Variants in COL26A1 observed in about 807,000 individuals in gnomAD.
COL26A1 encodes the protein collagen alpha-1(XXVI) chain.
COL26A1 carries 41 observed loss-of-function variants against 59.3 expected under a neutral mutation model. That is an observed-to-expected ratio of 0.69 (90% CI 0.54 to 0.90). COL26A1 has a LOEUF of 0.90. COL26A1 is among the 40% of genes least tolerant of loss of function. The pLI, the probability that COL26A1 is intolerant of heterozygous loss-of-function variation, is 0.00. For synonymous variants in COL26A1, 266 were observed against 256.0 expected (o/e 1.04, Z -0.37); for missense variants, 612 against 602.3 (o/e 1.02, Z -0.17).
At chr7:101,394,864 C>CT (rs1689083331) in intron 1 of COL26A1, among the ~76,000 whole-genome samples, 8 of 124,000 alleles carry the variant, frequency 6.5e-5, no homozygotes, top group African/African-American at 2.4e-4. Flanking sequence ...GTTTCTTTTT[C>CT]TTTTCTTTTT....
At chr7:101,483,530 C>T (rs1794199755) in intron 3 of COL26A1, among the ~76,000 whole-genome samples, 1 of 151,556 alleles carries the variant, frequency 6.6e-6, no homozygotes. Context: ...TTTAAAGAGA[C>T]AGGGTCTTGC....
intron 2 of COL26A1, among the ~76,000 whole-genome samples, chr7:101,430,984 T>C (rs746162402): frequency 2.0e-5 from 3 of 151,846 alleles, no homozygotes; most frequent in Non-Finnish European, 4.4e-5. Flanking sequence ...TTATTTTTAA[T>C]AGAGATGGGG....
chr7:101,400,430 C>T (rs1165204888), intron 1 of COL26A1, among the ~76,000 whole-genome samples: 3 of 141,806 alleles, frequency 2.1e-5, no homozygotes, highest in East Asian at 2.1e-4. Flanking sequence ...GGCACGATCT[C>T]GGCTCACTGC....
At chr7:101,362,791 T>C, upstream of COL26A1, 1 of 515,250 alleles carries the variant, frequency 1.9e-6, no homozygotes. Flanking sequence ...CCGCCGAGGG[T>C]TAACAAAAAA....
intron 1 of COL26A1, among the ~76,000 whole-genome samples, chr7:101,373,026 C>T (rs550828368): frequency 6.6e-6 from 1 of 152,260 alleles, no homozygotes. Flanking sequence ...AGGCACTGAG[C>T]TTTTGGAGTC....
intron 3 of COL26A1, among the ~76,000 whole-genome samples, chr7:101,514,375 T>TA (rs1794986317): frequency 6.6e-6 from 1 of 151,860 alleles, no homozygotes; most frequent in South Asian, 2.1e-4. Context: ...ATAAAAAAAA[T>TA]AAACCACAAC....
chr7:101,377,720 A>T (rs905283633), intron 1 of COL26A1, among the ~76,000 whole-genome samples: 128 of 152,044 alleles, frequency 8.4e-4, no homozygotes, highest in African/African-American at 2.9e-3. Context: ...AGCTACTATG[A>T]CCAGCAGTGA....
chr7:101,389,440 C>T (rs911523871), intron 1 of COL26A1, among the ~76,000 whole-genome samples: 1 of 146,514 alleles, frequency 6.8e-6, no homozygotes, highest in Admixed American at 7.0e-5. Context: ...AGTGCAGCGG[C>T]TCAGTCTTGG....
At chr7:101,528,615 A>G (rs1795299202) in intron 3 of COL26A1, among the ~76,000 whole-genome samples, 1 of 151,550 alleles carries the variant, frequency 6.6e-6, no homozygotes, top group South Asian at 2.1e-4. Flanking sequence ...TGGCGCCAAC[A>G]TGGCTCACTG....
At chr7:101,493,720 GAC>G (rs1226824796) in intron 3 of COL26A1, among the ~76,000 whole-genome samples, 1 of 136,400 alleles carries the variant, frequency 7.3e-6, no homozygotes, top group Non-Finnish European at 1.5e-5. Flanking sequence ...AGGAGATTGA[GAC>G]CATCCTGGCT....
intron 3 of COL26A1, among the ~76,000 whole-genome samples, chr7:101,472,824 A>T (rs1793937298): frequency 1.3e-5 from 2 of 151,788 alleles, no homozygotes; most frequent in African/African-American, 4.8e-5. Context: ...GGACCTCCGG[A>T]TCTGCAGAGG....
chr7:101,478,537 G>A (rs989417938), intron 3 of COL26A1, among the ~76,000 whole-genome samples: 5 of 152,074 alleles, frequency 3.3e-5, no homozygotes, highest in East Asian at 1.9e-4. Context: ...CAAATTAACC[G>A]AAAGTACACA....
At chr7:101,446,683 C>T (rs1389820263) in intron 2 of COL26A1, among the ~76,000 whole-genome samples, 1 of 151,986 alleles carries the variant, frequency 6.6e-6, no homozygotes, top group Non-Finnish European at 1.5e-5. Context: ...CCTGTCTCTA[C>T]CAAAAATACA....
chr7:101,533,719 C>A (rs930894402), intron 4 of COL26A1, among the ~76,000 whole-genome samples: 4 of 152,156 alleles, frequency 2.6e-5, no homozygotes, highest in Non-Finnish European at 4.4e-5. Context: ...GGGCAGGTGA[C>A]CTGTGGGAGC....
At chr7:101,374,863 C>T (rs536937200) in intron 1 of COL26A1, among the ~76,000 whole-genome samples, 8 of 152,154 alleles carry the variant, frequency 5.3e-5, no homozygotes, top group East Asian at 3.9e-4. Context: ...AGTTTGAGAC[C>T]GGCCTGGCCA....
At chr7:101,381,212 G>A (rs1791439675) in intron 1 of COL26A1, among the ~76,000 whole-genome samples, 1 of 152,144 alleles carries the variant, frequency 6.6e-6, no homozygotes, top group Admixed American at 6.5e-5. Context: ...CTATTTCCAT[G>A]CCTTTTCCAG....
chr7:101,372,102 C>A (rs1791208956), intron 1 of COL26A1, among the ~76,000 whole-genome samples: 2 of 152,120 alleles, frequency 1.3e-5, no homozygotes. Context: ...CATTCATATG[C>A]CTTGCAAAGG....
At chr7:101,551,517 G>C (rs537146232) in intron 10 of COL26A1, among the ~76,000 whole-genome samples, 1 of 151,968 alleles carries the variant, frequency 6.6e-6, no homozygotes, top group South Asian at 2.1e-4. Context: ...TCCTTTAATC[G>C]ACTTTCTTGG....
rs1795751462 is a variant in COL26A1, at chr7:101,547,094, C to T, written c.857-62C>T. On this transcript the variant is annotated intron_variant, in intron 7 of 12. Coordinates refer to ENST00000313669, the MANE Select transcript of COL26A1 (RefSeq NM_001278563.3). ...TGGCTCAGGGCTCAGTGCCCCGGAC[C>T]AGCCTCCCAGCACTGCCAGGTCTGC... is the stretch of plus-strand genomic sequence containing the variant. The T allele has an allele frequency of 3.2e-6, 4 of 1,247,378 alleles. No individual in the cohort carries two copies. The South Asian group carries it at 4.2e-5, about 13-fold the overall frequency. The allele number at this position is 1,247,378 out of a possible 1,614,324, so 77.3% of individuals were successfully genotyped here.
Sources: gnomAD v4.1 joint callset for allele counts (sites outside exome capture counted in the v4.1 genomes callset) on GRCh38, gnomAD v4.1.1 for gene constraint, MANE v1.5 for transcripts, NCBI Gene and HGNC (gene_info 2026-07-23, HGNC 2026-07-21) for gene names.